TNRC18: variants seen among roughly 807,000 people sequenced by gnomAD.
TNRC18 encodes the protein trinucleotide repeat containing 18.
Under a neutral mutation model 226.7 loss-of-function variants are expected in TNRC18, and 69 were observed. The observed-to-expected ratio is 0.30, with a 90% CI of 0.25 to 0.37. The LOEUF (loss-of-function observed/expected upper bound fraction) is 0.37. Among genes scored for constraint, TNRC18 ranks in the 10% least tolerant of loss-of-function variants. The pLI is 1.00. For missense variants in TNRC18, 4,754 were observed against 4,256.6 expected, an observed-to-expected ratio of 1.12 and a Z score of -3.25; for synonymous variants, 2,449 against 1,927.6, an observed-to-expected ratio of 1.27 and a Z score of -7.09.
At chr7:5,375,691 C>T (rs1196323679) in intron 9 of TNRC18, among the ~76,000 whole-genome samples, 2 of 152,172 alleles carry the variant, frequency 1.3e-5, no homozygotes, top group Non-Finnish European at 2.9e-5. Flanking sequence ...CCAGGCTGGG[C>T]TCAGGCAACA....
At chr7:5,350,813 C>T (rs1317292928) in intron 17 of TNRC18, among the ~76,000 whole-genome samples, 2 of 152,174 alleles carry the variant, frequency 1.3e-5, no homozygotes. Flanking sequence ...GGGCTGGGAC[C>T]AGGCCAGCCT....
At position 5,376,021 on chromosome 7, in the gene TNRC18, C is replaced by A. The variant is rs1449265563; in HGVS notation, c.2799+13G>T. ...CCCCCAGAGGGAGCTGCGCCTCATC[C>A]TCCCCGACTTACCACGAGCTGGGCG... On this transcript the variant is annotated intron_variant, in intron 9 of 29. Coordinates refer to ENST00000430969, the MANE Select transcript of TNRC18 (RefSeq NM_001080495.3). The A allele has an allele frequency of 6.3e-7, 1 of 1,582,366 alleles. No homozygotes were observed. The highest frequency in any genetic ancestry group is 1.2e-5 in the South Asian group (1 of 86,554).
intron 5 of TNRC18, among the ~76,000 whole-genome samples, chr7:5,378,956 G>T (rs988096122): frequency 2.0e-5 from 3 of 151,468 alleles, no homozygotes; most frequent in Non-Finnish European, 4.4e-5. Flanking sequence ...AGGCCGGGTG[G>T]GGGGGGCGGG....
chr7:5,396,900 C>T (rs1425867423), intron 2 of TNRC18, among the ~76,000 whole-genome samples: 1 of 152,208 alleles, frequency 6.6e-6, no homozygotes, highest in Non-Finnish European at 1.5e-5. Flanking sequence ...TATACAAGTG[C>T]TCACTGACCG....
chr7:5,332,603 C>A lies in TNRC18; in HGVS notation c.6147+19G>T. On this transcript the variant is annotated intron_variant, in intron 19 of 29. Transcript: ENST00000430969. ...CCCAGGGACCCTTCTGCGGCACCCC[C>A]TCCCAGCGCGGCCCCTACCTTCCTG... 6.6e-7 allele frequency: 1 copy of A among 1,514,016 alleles called. No individual in the cohort carries two copies. The highest frequency in any genetic ancestry group is 1.2e-5 in the South Asian group (1 of 80,620). The allele number at this position is 1,514,016 out of a possible 1,614,324, so 93.8% of individuals were successfully genotyped here.
rs1051861213 is a variant in TNRC18, at chr7:5,371,137, G to T, written c.3457C>A (p.Leu1153Met). ...TCTGCCTTCACCTCCCGCTCAGCCAGCGGTTCTTCCTCCGGGCCCTCCCGC... is the reference window on the plus strand; with the variant it reads ...TCTGCCTTCACCTCCCGCTCAGCCATCGGTTCTTCCTCCGGGCCCTCCCGC... ...PLREGPEEEP[L>M]AEREVKAEVE... Residue 1153 changes from leucine to methionine, a missense_variant, in exon 11 of 30, where the codon CTG (leucine) becomes ATG (methionine). Transcript: ENST00000430969. 2.1e-5 allele frequency: 34 copies of T among 1,611,092 alleles called. No homozygotes were observed. The highest frequency in any genetic ancestry group is 2.6e-5 in the Non-Finnish European group (31 of 1,178,218).
chr7:5,362,321 GA>G (rs1450579453), intron 12 of TNRC18, among the ~76,000 whole-genome samples: 1 of 152,188 alleles, frequency 6.6e-6, no homozygotes, highest in Non-Finnish European at 1.5e-5. Context: ...TTTATAAACG[GA>G]AGGCTCAGCA....
At chr7:5,337,004 A>C (rs1282376773) in intron 18 of TNRC18, among the ~76,000 whole-genome samples, 1 of 152,248 alleles carries the variant, frequency 6.6e-6, no homozygotes, top group Non-Finnish European at 1.5e-5. Flanking sequence ...ATTTGATGAC[A>C]AACAGAAACT....
intron 5 of TNRC18, among the ~76,000 whole-genome samples, chr7:5,385,185 G>A (rs569754565): frequency 3.9e-4 from 59 of 152,284 alleles, no homozygotes; most frequent in African/African-American, 1.2e-3. Flanking sequence ...GCATCAGGGT[G>A]GTGGGAAAGT....
intron 4 of TNRC18, 131 bp from the exon 5 acceptor site, chr7:5,389,467 T>TC: frequency 1.8e-6 from 2 of 1,103,318 alleles, no homozygotes; most frequent in Non-Finnish European, 2.2e-6. Context: ...TTTGGTTTTT[T>TC]TTTTCAGAAA....
Position 5,327,383 on chromosome 7 carries a change from GT to G in TNRC18, c.6148-2136del, listed in dbSNP as rs1789032050. Among the ~76,000 whole-genome samples, 7 of 102,496 alleles carry G rather than the reference GT, an allele frequency of 6.8e-5. No homozygotes were observed. The Admixed American group carries it at 7.7e-4, about 11-fold the overall frequency. 67.2% of individuals were successfully genotyped at this position (102,496 alleles called of 152,430 possible). On this transcript the variant is annotated intron_variant, in intron 19 of 29. Transcript: ENST00000430969. ...TGTGTGTGTTTGTGCGTGTGTGTGT[GT>G]GTGTGTGTGTGTGTGTGTGTGTGTG...
chr7:5,319,362 T>A (rs6963215), intron 24 of TNRC18, among the ~76,000 whole-genome samples: 110,890 of 151,856 alleles, frequency 0.73, 40,805 homozygotes, highest in East Asian at 0.87. Flanking sequence ...CGGGCGGGGT[T>A]TGTCTAATCC....
At chr7:5,392,538 C>T (rs942323331) in intron 3 of TNRC18, among the ~76,000 whole-genome samples, 4 of 151,972 alleles carry the variant, frequency 2.6e-5, no homozygotes, top group African/African-American at 7.3e-5. Context: ...TGCTTGAACC[C>T]GGGAGGTAGA....
At chr7:5,376,367 G>A (rs1794678850) in intron 8 of TNRC18, 143 bp from the exon 9 acceptor site, 4 of 771,692 alleles carry the variant, frequency 5.2e-6, no homozygotes, top group Non-Finnish European at 4.0e-6. Flanking sequence ...CTGCTCCCCA[G>A]GGGCCAGGAA....
intron 18 of TNRC18, 149 bp downstream of exon 18, chr7:5,345,413 A>G (rs954818084): frequency 1.8e-5 from 14 of 781,196 alleles, no homozygotes; most frequent in East Asian, 2.7e-5. Context: ...ATCCCTGATC[A>G]GCACGGGGCT....
chr7:5,388,832 C>G lies in TNRC18; in HGVS notation c.992G>C (p.Cys331Ser). The G allele has an allele frequency of 8.3e-7, 1 of 1,203,340 alleles. No homozygotes were observed. The allele number at this position is 1,203,340 out of a possible 1,614,324, so 74.5% of individuals were successfully genotyped here. A position where few individuals can be genotyped will look rare whatever the true frequency, so the allele number is the denominator to read the frequency against. ...TETLLPGPRP[C>S]PSPLPPPPAP... ...GGGCGGCGGGGGCAGCGGTGAGGGG[C>G]AGGGGCGCGGCCCAGGGAGCAGGGT... Residue 331 changes from cysteine to serine, a missense_variant, in exon 5 of 30, where the codon TGC becomes TCC. Transcript: ENST00000430969.
Position 5,307,818 on chromosome 7 carries a change from G to A in TNRC18, c.*288C>T, listed in dbSNP as rs770088299. The A allele has an allele frequency of 5.0e-5, 24 of 476,900 alleles. No homozygotes were observed. Among genetic ancestry groups the A allele is most frequent in the Middle Eastern group, 5.8e-4 (1 of 1,732 alleles). 29.5% of individuals were successfully genotyped at this position (476,900 alleles called of 1,614,324 possible). On this transcript the variant is annotated 3_prime_UTR_variant, in exon 30 of 30. Transcript: ENST00000430969. ...GCCGGCCTGGCCAAGTGCTTGCAAC[G>A]TGCTGGGCAGGAAGGGCCGGTCCGG...
Position 5,388,017 on chromosome 7 carries a change from G to A in TNRC18, c.1807C>T (p.Arg603Cys), listed in dbSNP as rs1395831028. The A allele has an allele frequency of 3.2e-6, 5 of 1,575,626 alleles. No homozygotes were observed. The highest frequency in any genetic ancestry group is 1.8e-5 in the Admixed American group (1 of 54,168). Residue 603 changes from arginine to cysteine, a missense_variant, in exon 5 of 30, where the codon CGC becomes TGC. Arg to Cys is a radical substitution (Grantham distance 180, BLOSUM62 -3). Transcript: ENST00000430969. ...GSFARDAVAV[R>C]PGGCGKKSPF... The stretch of plus-strand genomic sequence containing the variant: ...CTCTTCTTGCCACAGCCACCAGGGC[G>A]CACGGCCACGGCGTCCCGGGCAAAG...
At chr7:5,401,898 G>A (rs537918167) in intron 2 of TNRC18, among the ~76,000 whole-genome samples, 8 of 152,236 alleles carry the variant, frequency 5.3e-5, no homozygotes, top group Admixed American at 6.5e-5. Context: ...CTGGTTGGCC[G>A]GGCGTGGTGG....
Sources: gnomAD v4.1 joint callset for allele counts (sites outside exome capture counted in the v4.1 genomes callset) on GRCh38, gnomAD v4.1.1 for gene constraint, MANE v1.5 for transcripts, NCBI Gene and HGNC (gene_info 2026-07-23, HGNC 2026-07-21) for gene names.